LONP2: variants seen among roughly 807,000 people sequenced by gnomAD.
LONP2 encodes the protein lon peptidase 2, peroxisomal, also known as lon protease homolog 2, peroxisomal.
Under a neutral mutation model 85.6 loss-of-function variants are expected in LONP2, and 60 were observed. The observed-to-expected ratio is 0.70, with a 90% CI of 0.57 to 0.87. LONP2 has a LOEUF of 0.87. Among genes scored for constraint, LONP2 ranks in the 40% least tolerant of loss-of-function variants. The pLI is 0.00. For synonymous variants in LONP2, 395 were observed against 389.7 expected, an observed-to-expected ratio of 1.01 and a Z score of -0.16; for missense variants, 860 against 1,063.5, an observed-to-expected ratio of 0.81 and a Z score of 2.66.
Position 48,258,646 on chromosome 16 carries a change from G to T in LONP2, c.629G>T (p.Arg210Leu). The T allele has an allele frequency of 6.2e-7, 1 of 1,603,978 alleles. No homozygotes were observed. The highest frequency in any genetic ancestry group is 8.5e-7 in the Non-Finnish European group (1 of 1,175,876). Residue 210 changes from arginine to leucine, a missense_variant, in exon 4 of 15, where the codon CGG (arginine) becomes CTG (leucine). Arg to Leu is a moderately radical substitution (Grantham distance 102). Transcript: ENST00000285737. The stretch of plus-strand genomic sequence containing the variant: ...TTAGATGCTGTGAGCCTAGAGGAGC[G>T]GTTCAAGATGACTATACCACTGCTT... ...QILDAVSLEERFKMTIPLLVR... is the reference protein window; with the variant it reads ...QILDAVSLEELFKMTIPLLVR...
At chr16:48,332,339 G>T (rs757943455) in intron 11 of LONP2, among the ~76,000 whole-genome samples, 2 of 152,202 alleles carry the variant, frequency 1.3e-5, no homozygotes, top group Non-Finnish European at 2.9e-5. Context: ...ACTATGGGAA[G>T]CTGAGGCAGC....
chr16:48,296,232 C>G, intron 9 of LONP2, 67 bp downstream of exon 9: 1 of 1,513,202 alleles, frequency 6.6e-7, no homozygotes, highest in Non-Finnish European at 9.0e-7. Flanking sequence ...ATTAGTTATG[C>G]TATGGAGTTT....
intron 11 of LONP2, among the ~76,000 whole-genome samples, chr16:48,317,447 C>T (rs1331275077): frequency 6.6e-6 from 1 of 152,016 alleles, no homozygotes; most frequent in Non-Finnish European, 1.5e-5. Context: ...CCTCAAATCC[C>T]AAAGAAAAGA....
chr16:48,312,331 T>G lies in LONP2; in HGVS notation c.1795+9026T>G, dbSNP rs559606758. On this transcript the variant is annotated intron_variant, in intron 11 of 14. Coordinates refer to ENST00000285737, the MANE Select transcript of LONP2 (RefSeq NM_031490.5). ...TAGTTAGGATCCATTGCTAGAGAAT[T>G]ACTGTGTTTCTCTGGGGGTGTCATA... Among the ~76,000 whole-genome samples, 5 of 152,310 alleles carry G rather than the reference T, an allele frequency of 3.3e-5. No individual in the cohort carries two copies. In the East Asian group the frequency reaches 9.6e-4, roughly 29 times the overall value.
At position 48,355,029 on chromosome 16, in the gene LONP2, A is replaced by G. The variant is rs988101510; in HGVS notation, c.*3227A>G. 4 of 152,184 alleles carry G rather than the reference A, an allele frequency of 2.6e-5. No homozygotes were observed. The highest frequency in any genetic ancestry group is 9.7e-5 in the African/African-American group (4 of 41,448). 9.4% of individuals were successfully genotyped at this position (152,184 alleles called of 1,614,324 possible). On this transcript the variant is annotated 3_prime_UTR_variant, in exon 15 of 15. Coordinates refer to ENST00000285737, the MANE Select transcript of LONP2 (RefSeq NM_031490.5). Reference sequence around the variant, plus strand: ...GGCCAAATAATACACCACTATATCCATAGACCGCATTTGGTTTATCCACTC... The same window carrying G: ...GGCCAAATAATACACCACTATATCCGTAGACCGCATTTGGTTTATCCACTC...
In LONP2 at chr16:48,271,656, G is replaced by A. The variant is rs55767683; in HGVS notation, c.1241+1382G>A. On this transcript the variant is annotated intron_variant, in intron 7 of 14. Coordinates refer to ENST00000285737, the MANE Select transcript of LONP2 (RefSeq NM_031490.5). ...CCAGCACTTTGGGAGGCCAAGGCAG[G>A]CAGTTGCTTGAGCTCAGGAGTTCAA... 5.5e-3 allele frequency among the ~76,000 whole-genome samples: 839 copies of A among 152,246 alleles called. 6 individuals carry two copies. The highest frequency in any genetic ancestry group is 0.019 in the African/African-American group (788 of 41,552).
chr16:48,302,247 C>T (rs1418978250), intron 10 of LONP2, among the ~76,000 whole-genome samples: 3 of 152,106 alleles, frequency 2.0e-5, no homozygotes, highest in East Asian at 1.9e-4. Flanking sequence ...TGAAATTATA[C>T]GTAGTTGCAT....
intron 10 of LONP2, among the ~76,000 whole-genome samples, chr16:48,300,312 A>G (rs1007220520): frequency 1.3e-4 from 20 of 152,242 alleles, no homozygotes; most frequent in African/African-American, 4.6e-4. Context: ...CACTGGAACA[A>G]TAGAGAAGGT....
At chr16:48,249,335 C>T (rs989834344) in intron 1 of LONP2, among the ~76,000 whole-genome samples, 3 of 152,042 alleles carry the variant, frequency 2.0e-5, no homozygotes, top group African/African-American at 7.2e-5. Context: ...TTTGAGCATG[C>T]CTAATAATGC....
At chr16:48,248,505 A>G (rs1483583887) in intron 1 of LONP2, among the ~76,000 whole-genome samples, 1 of 152,124 alleles carries the variant, frequency 6.6e-6, no homozygotes, top group African/African-American at 2.4e-5. Context: ...GAGGTATAAA[A>G]TGAAGTATAC....
At chr16:48,320,632 G>A (rs1391819396) in intron 11 of LONP2, among the ~76,000 whole-genome samples, 1 of 152,120 alleles carries the variant, frequency 6.6e-6, no homozygotes, top group Non-Finnish European at 1.5e-5. Context: ...AAAATCAGGC[G>A]GTGGTCTAAC....
chr16:48,362,542 A>T lies in LONP2; in HGVS notation c.*679A>T. 9.4e-7 allele frequency: 1 copy of T among 1,061,846 alleles called. No homozygotes were observed. Among genetic ancestry groups the T allele is most frequent in the Non-Finnish European group, 1.4e-6 (1 of 732,524 alleles). The allele number at this position is 1,061,846 out of a possible 1,614,324, so 65.8% of individuals were successfully genotyped here. On this transcript the variant is annotated 3_prime_UTR_variant, in exon 5 of 5. Coordinates refer to the LONP2 transcript ENST00000565867. The surrounding 1 kb of genome is among the most constrained non-coding windows in gnomAD (Gnocchi z 4.2). ...TTAAAGTTTCATACAAAATTTACTG[A>T]GCAAAAGAGGAAGAAAAATAGGATT...
chr16:48,259,085 C>G (rs559942561), intron 4 of LONP2, among the ~76,000 whole-genome samples: 1 of 152,086 alleles, frequency 6.6e-6, no homozygotes, highest in Non-Finnish European at 1.5e-5. Flanking sequence ...ATACAAAACT[C>G]TTTCTTAAAA....
intron 4 of LONP2, among the ~76,000 whole-genome samples, chr16:48,260,791 G>T (rs1189034098): frequency 6.6e-6 from 1 of 152,242 alleles, no homozygotes; most frequent in African/African-American, 2.4e-5. Flanking sequence ...AACAATTTTG[G>T]CAGGATGGGA....
At chr16:48,302,455 G>C (rs1243133271) in intron 10 of LONP2, among the ~76,000 whole-genome samples, 4 of 152,160 alleles carry the variant, frequency 2.6e-5, no homozygotes, top group Admixed American at 1.3e-4. Context: ...ACCTGATCCT[G>C]TCCATTCAGG....
At chr16:48,286,227 C>T (rs561809965) in intron 8 of LONP2, among the ~76,000 whole-genome samples, 128 of 150,716 alleles carry the variant, frequency 8.5e-4, no homozygotes, top group South Asian at 5.7e-3. Context: ...CTGCAAGCTC[C>T]GCCTCCCAGG....
downstream of LONP2, chr16:48,361,446 C>T: frequency 1.3e-6 from 1 of 791,124 alleles, no homozygotes; most frequent in East Asian, 2.6e-5. Flanking sequence ...TATTTAACAG[C>T]CTTTCTTTTT....
intron 1 of LONP2, among the ~76,000 whole-genome samples, chr16:48,250,542 C>T (rs1247583852): frequency 6.6e-6 from 1 of 152,070 alleles, no homozygotes; most frequent in African/African-American, 2.4e-5. Context: ...AATGACATAG[C>T]CCAAATAATT....
intron 11 of LONP2, among the ~76,000 whole-genome samples, chr16:48,323,343 AAT>A (rs1404896491): frequency 1.3e-5 from 2 of 152,154 alleles, no homozygotes; most frequent in Non-Finnish European, 2.9e-5. Flanking sequence ...TTTTTTTCAT[AAT>A]AGATAATTGC....
Sources: allele counts gnomAD v4.1 joint callset (sites outside exome capture counted in the v4.1 genomes callset), GRCh38; gene constraint gnomAD v4.1.1; non-coding constraint Gnocchi (gnomAD v3.1); transcripts MANE v1.5; gene names NCBI Gene and HGNC (gene_info 2026-07-23, HGNC 2026-07-21).